The following PTPN13 variants were observed in gnomAD, a reference collection of about 807,000 sequenced individuals.
PTPN13 encodes tyrosine-protein phosphatase non-receptor type 13.
PTPN13 carries 191 observed loss-of-function variants against 284.0 expected under a neutral mutation model. That is an observed-to-expected ratio of 0.67 (90% CI 0.60 to 0.76). The LOEUF (loss-of-function observed/expected upper bound fraction) is 0.76, where lower values mean the gene tolerates loss of function less well. PTPN13 is among the 30% of genes least tolerant of loss of function. The probability of loss-of-function intolerance (pLI) is 0.00; values close to 1 mark genes in which losing one functional copy is unlikely to be tolerated. For missense variants in PTPN13, 2,797 were observed against 2,939.9 expected, an observed-to-expected ratio of 0.95 and a Z score of 1.12; for synonymous variants, 986 against 1,022.3, an observed-to-expected ratio of 0.96 and a Z score of 0.68.
intron 6 of PTPN13, 42 bp downstream of exon 6, chr4:86,693,716 T>A: frequency 7.3e-7 from 1 of 1,377,828 alleles, no homozygotes; most frequent in East Asian, 2.6e-5. Flanking sequence ...TTTAACCTTA[T>A]CCCATTGTTT....
At chr4:86,748,367 A>G (rs1007712731) in intron 17 of PTPN13, among the ~76,000 whole-genome samples, 5 of 152,184 alleles carry the variant, frequency 3.3e-5, no homozygotes, top group Non-Finnish European at 4.4e-5. Flanking sequence ...AAGACCAGAT[A>G]AATGGTTGGT....
intron 2 of PTPN13, among the ~76,000 whole-genome samples, chr4:86,638,857 G>C (rs1012007514): frequency 1.3e-5 from 2 of 152,114 alleles, no homozygotes; most frequent in Non-Finnish European, 2.9e-5. Flanking sequence ...AAGAGCTTCT[G>C]CACAGCAAAA....
chr4:86,747,350 TG>T (rs1436011359), intron 17 of PTPN13, among the ~76,000 whole-genome samples: 1 of 152,212 alleles, frequency 6.6e-6, no homozygotes, highest in East Asian at 1.9e-4. Context: ...ATCAGAAAGT[TG>T]TGAAAAGGAA....
intron 13 of PTPN13, 64 bp downstream of exon 13, chr4:86,734,520 C>T: frequency 1.5e-6 from 2 of 1,377,302 alleles, no homozygotes; most frequent in Non-Finnish European, 1.9e-6. Context: ...CTTTAGCTTA[C>T]TGATACTGAA....
chr4:86,768,020 C>T (rs370393348), intron 28 of PTPN13, 44 bp downstream of exon 28: 130 of 1,548,822 alleles, frequency 8.4e-5, no homozygotes, highest in Non-Finnish European at 1.1e-4. Flanking sequence ...AATTATTCCT[C>T]GCCTATTCAA....
intron 9 of PTPN13, among the ~76,000 whole-genome samples, chr4:86,720,696 A>T (rs1733556304): frequency 6.6e-6 from 1 of 152,164 alleles, no homozygotes; most frequent in Non-Finnish European, 1.5e-5. Context: ...TTTAGGTCAC[A>T]CATTTGTAAA....
intron 3 of PTPN13, among the ~76,000 whole-genome samples, chr4:86,684,852 C>T (rs1729270165): frequency 6.6e-6 from 1 of 152,086 alleles, no homozygotes; most frequent in Admixed American, 6.6e-5. Context: ...AGAAGATGAG[C>T]TCTGAATCTC....
intron 12 of PTPN13, among the ~76,000 whole-genome samples, chr4:86,733,748 AATTGT>A (rs1473244547): frequency 1.3e-5 from 2 of 152,172 alleles, no homozygotes; most frequent in African/African-American, 4.8e-5. Context: ...GGTAAAATCA[AATTGT>A]ATTGAATAAT....
chr4:86,778,775 C>T (rs1003737603), intron 35 of PTPN13, among the ~76,000 whole-genome samples: 15 of 151,826 alleles, frequency 9.9e-5, no homozygotes, highest in South Asian at 6.2e-4. Flanking sequence ...TGGCCCGGGG[C>T]GTTAAATTTA....
At chr4:86,697,990 T>C (rs1730749927) in intron 6 of PTPN13, among the ~76,000 whole-genome samples, 1 of 152,164 alleles carries the variant, frequency 6.6e-6, no homozygotes, top group South Asian at 2.1e-4. Context: ...AAATATGAAA[T>C]CTTTTATTTG....
At chr4:86,759,097 T>G (rs776727147) in intron 23 of PTPN13, 24 bp downstream of exon 23, 1 of 1,604,040 alleles carries the variant, frequency 6.2e-7, no homozygotes, top group Non-Finnish European at 8.5e-7. Context: ...CTCTTACTTA[T>G]GTATTCTGTT....
At chr4:86,712,954 T>C (rs2149054535) in intron 7 of PTPN13, among the ~76,000 whole-genome samples, 1 of 152,110 alleles carries the variant, frequency 6.6e-6, no homozygotes, top group Non-Finnish European at 1.5e-5. Context: ...AGAACAATTA[T>C]AAAGTACCAC....
At chr4:86,715,128 T>C (rs546366427) in intron 7 of PTPN13, among the ~76,000 whole-genome samples, 1 of 152,262 alleles carries the variant, frequency 6.6e-6, no homozygotes, top group African/African-American at 2.4e-5. Context: ...GTAACACAGG[T>C]ACAGAATTCG....
intron 8 of PTPN13, 67 bp from the exon 9 acceptor site, chr4:86,716,957 G>A (rs1733096338): frequency 3.6e-6 from 4 of 1,119,916 alleles, no homozygotes; most frequent in Non-Finnish European, 5.3e-6. Context: ...AAGTGTTTGA[G>A]TTTTAAATGA....
rs774699023 is a variant in PTPN13 at position 86,732,648 on chromosome 4, C to T, written c.1740C>T (p.Asn580=). The change falls in exon 12 of 48, where the codon AAC becomes AAT. Residue 580 remains asparagine (N), a synonymous_variant. Transcript: ENST00000411767. ...GGAAAGTAAACATAATGCTTCTGAA[C>T]GGGCAAAGACTGGAACTGACCTGTG... is the stretch of plus-strand genomic sequence containing the variant. The part of the protein sequence containing the change: ...NRRKVNIMLL[N]GQRLELTCDT... The T allele has an allele frequency of 4.5e-5, 72 of 1,613,262 alleles. No homozygotes were observed. The Middle Eastern group carries it at 4.9e-4, about 11-fold the overall frequency.
intron 6 of PTPN13, among the ~76,000 whole-genome samples, chr4:86,697,656 T>TA (rs1730714260): frequency 6.6e-6 from 1 of 152,162 alleles, no homozygotes; most frequent in Admixed American, 6.5e-5. Flanking sequence ...CTTTAGAACT[T>TA]ACGCATATTA....
intron 2 of PTPN13, among the ~76,000 whole-genome samples, chr4:86,669,734 T>G (rs1727525820): frequency 6.6e-6 from 1 of 152,078 alleles, no homozygotes; most frequent in African/African-American, 2.4e-5. Context: ...GAATCCACAG[T>G]GACAGGACAG....
intron 1 of PTPN13, among the ~76,000 whole-genome samples, chr4:86,615,262 G>A (rs1332822289): frequency 6.6e-6 from 1 of 152,112 alleles, no homozygotes; most frequent in Non-Finnish European, 1.5e-5. Flanking sequence ...AAATTACATA[G>A]TGACTATGCT....
intron 10 of PTPN13, among the ~76,000 whole-genome samples, chr4:86,730,449 C>T (rs114992853): frequency 0.012 from 1,855 of 149,894 alleles, 151 homozygotes; most frequent in South Asian, 0.036. Context: ...TGCTGAGCTG[C>T]GGTGGGCTCC....
Sources: gnomAD v4.1 joint callset for allele counts (sites outside exome capture counted in the v4.1 genomes callset) on GRCh38, gnomAD v4.1.1 for gene constraint, MANE v1.5 for transcripts, NCBI Gene and HGNC (gene_info 2026-07-23, HGNC 2026-07-21) for gene names.